The following KCNH5 variants were observed in gnomAD, a reference collection of about 807,000 sequenced individuals.
KCNH5 encodes the protein voltage-gated delayed rectifier potassium channel KCNH5.
A neutral mutation model predicts 96.1 loss-of-function variants in KCNH5; 46 were observed. The observed-to-expected ratio is 0.48, with a 90% confidence interval of 0.38 to 0.61. The LOEUF (loss-of-function observed/expected upper bound fraction) is 0.61, where lower values mean the gene tolerates loss of function less well. KCNH5 is among the 20% of genes least tolerant of loss of function. The pLI, the probability that KCNH5 is intolerant of heterozygous loss-of-function variation, is 0.00. For synonymous variants in KCNH5, 439 were observed against 449.8 expected (o/e 0.98, Z 0.30); for missense variants, 907 against 1,225.8 (o/e 0.74, Z 3.88).
At chr14:62,793,930 A>C (rs953391889) in intron 9 of KCNH5, among the ~76,000 whole-genome samples, 1 of 151,994 alleles carries the variant, frequency 6.6e-6, no homozygotes, top group East Asian at 1.9e-4. Flanking sequence ...ACAAAGAAAG[A>C]AAGCTTCATT....
intron 9 of KCNH5, among the ~76,000 whole-genome samples, chr14:62,799,342 C>T (rs1184087212): frequency 8.6e-5 from 13 of 151,590 alleles, no homozygotes; most frequent in African/African-American, 2.9e-4. Flanking sequence ...TTTGGGAGGC[C>T]GAGGCGGGTG....
intron 7 of KCNH5, among the ~76,000 whole-genome samples, chr14:62,946,023 G>A (rs1889880375): frequency 6.6e-6 from 1 of 151,984 alleles, no homozygotes; most frequent in Non-Finnish European, 1.5e-5. Context: ...TTTTAAAGGG[G>A]CTGCTTAAGC....
At chr14:62,913,263 T>C (rs549735586) in intron 7 of KCNH5, among the ~76,000 whole-genome samples, 1 of 152,268 alleles carries the variant, frequency 6.6e-6, no homozygotes, top group East Asian at 1.9e-4. Flanking sequence ...GTTTTGCTCT[T>C]GTCTCCCAGG....
At chr14:63,023,097 G>A (rs1891459896) in intron 1 of KCNH5, among the ~76,000 whole-genome samples, 2 of 151,932 alleles carry the variant, frequency 1.3e-5, no homozygotes, top group Non-Finnish European at 2.9e-5. Context: ...CAGCTACCCG[G>A]GAGACTGAGG....
At chr14:62,880,215 T>A (rs557002679) in intron 7 of KCNH5, among the ~76,000 whole-genome samples, 19 of 152,292 alleles carry the variant, frequency 1.2e-4, no homozygotes, top group African/African-American at 4.6e-4. Flanking sequence ...ATATTTTCTA[T>A]GGAATAGACA....
chr14:62,739,136 TA>T (rs1366811913), intron 10 of KCNH5, among the ~76,000 whole-genome samples: 1 of 152,156 alleles, frequency 6.6e-6, no homozygotes, highest in Non-Finnish European at 1.5e-5. Flanking sequence ...ATGTGAACAT[TA>T]AAAATGTCAA....
intron 8 of KCNH5, among the ~76,000 whole-genome samples, chr14:62,823,380 A>G (rs182148323): frequency 2.0e-5 from 3 of 152,110 alleles, no homozygotes; most frequent in Non-Finnish European, 2.9e-5. Flanking sequence ...CGTTGCCCTG[A>G]TATGAGGTAC....
chr14:62,947,569 A>G (rs1889912990), intron 7 of KCNH5, among the ~76,000 whole-genome samples: 1 of 152,282 alleles, frequency 6.6e-6, no homozygotes, highest in South Asian at 2.1e-4. Context: ...TAGCTTTCAG[A>G]CATTCTAAAT....
At chr14:62,989,831 G>C (rs1340441386) in intron 4 of KCNH5, among the ~76,000 whole-genome samples, 4 of 151,988 alleles carry the variant, frequency 2.6e-5, no homozygotes, top group Admixed American at 2.6e-4. Context: ...ATTATCATTG[G>C]TTTTTGGTTT....
Position 62,935,356 on chromosome 14 carries a change from T to C in KCNH5, c.1369+14777A>G, listed in dbSNP as rs553328225. 1.2e-4 allele frequency among the ~76,000 whole-genome samples: 19 copies of C among 152,268 alleles called. 1 individual carries two copies. Among genetic ancestry groups the C allele is most frequent in the Non-Finnish European group, 2.4e-4 (16 of 68,024 alleles). On this transcript the variant is annotated intron_variant, in intron 7 of 10. Transcript: ENST00000322893. ...AACTAGAAAGACAAGTTCCCTGCCT[T>C]TGTGGCTCCATTTTAGTTAGAAAGA...
intron 10 of KCNH5, among the ~76,000 whole-genome samples, chr14:62,713,015 A>C (rs1884604817): frequency 6.6e-6 from 1 of 152,196 alleles, no homozygotes. Flanking sequence ...TCTGACATCA[A>C]CCTTGATTCC....
chr14:62,772,688 ATCTT>A (rs1248555110), intron 10 of KCNH5, among the ~76,000 whole-genome samples: 7 of 150,410 alleles, frequency 4.7e-5, no homozygotes, highest in Admixed American at 4.0e-4. Flanking sequence ...GAGAATTTTT[ATCTT>A]TCTATGTATT....
intron 1 of KCNH5, 92 bp downstream of exon 1, chr14:63,045,022 T>TC (rs1891896427): frequency 9.6e-7 from 1 of 1,036,838 alleles, no homozygotes. Context: ...TGCATCCTCC[T>TC]CCCCCCTTGG....
chr14:62,970,762 A>G (rs573993572), intron 6 of KCNH5, among the ~76,000 whole-genome samples: 4 of 152,052 alleles, frequency 2.6e-5, no homozygotes, highest in Non-Finnish European at 5.9e-5. Flanking sequence ...GATCATATCA[A>G]TGGATGTAGA....
Position 63,041,730 on chromosome 14 carries a change from A to ATTATTTTATT in KCNH5, c.73+3374_73+3383dup, listed in dbSNP as rs145601381. ...GTATCCATCCTACTCAATGGCCCTC[A>ATTATTTTATT]TTATTTTATTTTATAGACTTTGAAT... On this transcript the variant is annotated intron_variant, in intron 1 of 10. Coordinates refer to ENST00000322893, the MANE Select transcript of KCNH5 (RefSeq NM_139318.5). Among the ~76,000 whole-genome samples the ATTATTTTATT allele has an allele frequency of 2.6e-5, 4 of 152,122 alleles. No homozygotes were observed. The East Asian group carries it at 7.7e-4, about 29-fold the overall frequency.
chr14:62,997,173 G>A (rs1417523350), intron 4 of KCNH5, among the ~76,000 whole-genome samples: 4 of 152,220 alleles, frequency 2.6e-5, no homozygotes, highest in Admixed American at 2.6e-4. Context: ...TTTATCCTTT[G>A]CGTTAAAAAC....
chr14:62,739,669 GGTACTGTT>G (rs915929669), intron 10 of KCNH5, among the ~76,000 whole-genome samples: 2 of 152,030 alleles, frequency 1.3e-5, no homozygotes, highest in African/African-American at 2.4e-5. Flanking sequence ...CTTCAATCAT[GGTACTGTT>G]GTACAGACCA....
At chr14:62,795,159 T>C (rs1886514261) in intron 9 of KCNH5, among the ~76,000 whole-genome samples, 1 of 152,128 alleles carries the variant, frequency 6.6e-6, no homozygotes, top group Admixed American at 6.6e-5. Context: ...TTTTGAGAAA[T>C]GCATTTTACT....
chr14:62,949,228 T>C (rs1468966939), intron 7 of KCNH5, among the ~76,000 whole-genome samples: 2 of 152,246 alleles, frequency 1.3e-5, no homozygotes, highest in African/African-American at 2.4e-5. Context: ...TTGTCTCTGT[T>C]TGCAGATGAC....
Sources: gnomAD v4.1 joint callset for allele counts (sites outside exome capture counted in the v4.1 genomes callset) on GRCh38, gnomAD v4.1.1 for gene constraint, MANE v1.5 for transcripts, NCBI Gene and HGNC (gene_info 2026-07-23, HGNC 2026-07-21) for gene names.